HIP1: variants seen among roughly 807,000 people sequenced by gnomAD.
HIP1 encodes the protein huntingtin interacting protein 1, also known as huntingtin-interacting protein 1.
In HIP1, 65 loss-of-function variants were observed where a neutral mutation model predicts 147.6. The observed-to-expected ratio is 0.44, with a 90% CI of 0.36 to 0.54. HIP1 has a LOEUF of 0.54. HIP1 is among the 20% of genes least tolerant of loss of function. The pLI is 0.00. For synonymous variants in HIP1, 479 were observed against 504.0 expected, an observed-to-expected ratio of 0.95 and a Z score of 0.67; for missense variants, 1,061 against 1,299.6, an observed-to-expected ratio of 0.82 and a Z score of 2.82.
intron 3 of HIP1, 67 bp from the exon 4 acceptor site, chr7:75,592,179 GGA>G: frequency 6.7e-7 from 1 of 1,498,448 alleles, no homozygotes; most frequent in Non-Finnish European, 9.3e-7. Context: ...GAAGGAGGAT[GGA>G]GAGAGGCGGA....
chr7:75,614,153 G>A (rs1251098619), intron 1 of HIP1, among the ~76,000 whole-genome samples: 1 of 152,154 alleles, frequency 6.6e-6, no homozygotes, highest in Non-Finnish European at 1.5e-5. Flanking sequence ...GGCCTCAAGT[G>A]ATCCTCCTGC....
intron 1 of HIP1, among the ~76,000 whole-genome samples, chr7:75,710,166 G>A (rs1801128710): frequency 6.6e-6 from 1 of 152,138 alleles, no homozygotes; most frequent in African/African-American, 2.4e-5. Context: ...CCAAAGTGCT[G>A]GGATTACAGG....
chr7:75,639,093 C>T, intron 1 of HIP1: 2 of 984,728 alleles, frequency 2.0e-6, no homozygotes, highest in South Asian at 4.7e-5. Flanking sequence ...GGCACCCCCC[C>T]ACCCCTGGAG....
intron 1 of HIP1, among the ~76,000 whole-genome samples, chr7:75,688,588 C>T (rs1800344239): frequency 1.3e-5 from 2 of 152,114 alleles, no homozygotes; most frequent in African/African-American, 2.4e-5. Context: ...CCCACGCACA[C>T]CCTCCACCCG....
intron 1 of HIP1, among the ~76,000 whole-genome samples, chr7:75,670,062 A>G (rs1799687897): frequency 6.6e-6 from 1 of 152,100 alleles, no homozygotes; most frequent in East Asian, 1.9e-4. Flanking sequence ...CAGCCTCCCA[A>G]AGTGCTGGGA....
rs1554489095 is a variant in HIP1 at position 75,538,000 on chromosome 7, G to C, written c.*172C>G. The C allele has an allele frequency of 1.5e-6, 1 of 668,182 alleles. No homozygotes were observed. The highest frequency in any genetic ancestry group is 2.4e-5 in the Admixed American group (1 of 42,132). 41.4% of individuals were successfully genotyped at this position (668,182 alleles called of 1,614,324 possible). Reference sequence around the variant, plus strand: ...GATGACCATGGGTCCAAACAGAAAGGGTGTCGCTATGGAGGGAGTCTTTGG... The same window carrying C: ...GATGACCATGGGTCCAAACAGAAAGCGTGTCGCTATGGAGGGAGTCTTTGG... On this transcript the variant is annotated 3_prime_UTR_variant, in exon 31 of 31. Transcript: ENST00000336926.
At chr7:75,652,802 C>T (rs994576761) in intron 1 of HIP1, among the ~76,000 whole-genome samples, 7 of 152,146 alleles carry the variant, frequency 4.6e-5, no homozygotes, top group African/African-American at 1.4e-4. Context: ...TATTCACAAT[C>T]GAACTCCTAC....
Position 75,637,990 on chromosome 7 carries a change from CCCCACACACACACATACACACACA to C in HIP1, c.121-38767_121-38744del, listed in dbSNP as rs1239264897. On this transcript the variant is annotated intron_variant, in intron 1 of 30. Transcript: ENST00000336926. ...GGGCAGACCCAGACCCCCCCCCCCC[CCCCACACACACACATACACACACA>C]CACACACACACACACACACAGCCCA... Among the ~76,000 whole-genome samples the C allele has an allele frequency of 6.4e-3, 277 of 43,464 alleles. 4 individuals carry two copies. Among genetic ancestry groups the C allele is most frequent in the African/African-American group, 0.017 (204 of 12,020 alleles). The allele number at this position is 43,464 out of a possible 152,430, so 28.5% of individuals were successfully genotyped here.
intron 5 of HIP1, among the ~76,000 whole-genome samples, chr7:75,583,391 G>A (rs187785282): frequency 5.3e-5 from 8 of 152,244 alleles, no homozygotes; most frequent in Admixed American, 2.0e-4. Context: ...TGTCCTGAAC[G>A]TCCGTCTCAG....
At chr7:75,610,254 G>A (rs1458359502) in intron 1 of HIP1, among the ~76,000 whole-genome samples, 1 of 149,338 alleles carries the variant, frequency 6.7e-6, no homozygotes, top group African/African-American at 2.5e-5. Flanking sequence ...TGTCACCCAG[G>A]CTGGTGTGCA....
intron 9 of HIP1, among the ~76,000 whole-genome samples, chr7:75,566,685 T>A (rs944115553): frequency 2.0e-5 from 3 of 151,246 alleles, no homozygotes; most frequent in Admixed American, 2.0e-4. Context: ...CAGAGTCCAG[T>A]CTCCCATCCC....
chr7:75,737,236 A>AT (rs1328043798), intron 1 of HIP1, among the ~76,000 whole-genome samples: 1 of 150,226 alleles, frequency 6.7e-6, no homozygotes, highest in African/African-American at 2.5e-5. Flanking sequence ...TAATTTTTTT[A>AT]TTTTTTGTAG....
At chr7:75,695,819 C>T (rs569183590) in intron 1 of HIP1, among the ~76,000 whole-genome samples, 253 of 152,144 alleles carry the variant, frequency 1.7e-3, no homozygotes, top group Middle Eastern at 3.4e-3. Flanking sequence ...AAGGGATCCA[C>T]CTGCCTTGGC....
chr7:75,594,527 G>A (rs1277488899), intron 2 of HIP1, among the ~76,000 whole-genome samples: 1 of 152,132 alleles, frequency 6.6e-6, no homozygotes, highest in African/African-American at 2.4e-5. Context: ...TGTAATCACA[G>A]GACTCTGGGA....
At chr7:75,703,687 A>C (rs1322325635) in intron 1 of HIP1, among the ~76,000 whole-genome samples, 1 of 152,214 alleles carries the variant, frequency 6.6e-6, no homozygotes, top group East Asian at 1.9e-4. Context: ...AGTACCTCCA[A>C]GTACCAGAAG....
chr7:75,539,625 C>G (rs587739622), intron 29 of HIP1, among the ~76,000 whole-genome samples, 194 bp from the exon 30 acceptor site: 1 of 152,268 alleles, frequency 6.6e-6, no homozygotes, highest in East Asian at 1.9e-4. Context: ...CAGCCTACAT[C>G]TATCTTATTT....
At position 75,533,495 on chromosome 7, in the gene HIP1, G is replaced by T. The variant is rs1793977174; in HGVS notation, c.*4677C>A. 4.3e-6 allele frequency: 1 copy of T among 232,002 alleles called. No individual in the cohort carries two copies. Among genetic ancestry groups the T allele is most frequent in the South Asian group, 1.8e-4 (1 of 5,518 alleles). The allele number at this position is 232,002 out of a possible 1,614,324, so 14.4% of individuals were successfully genotyped here. Reference sequence around the variant, plus strand: ...ACCCTAATGGAAACCCAGGGGAAAGGTTAAAAACAGAAGAAAAACAAACCC... The same window carrying T: ...ACCCTAATGGAAACCCAGGGGAAAGTTTAAAAACAGAAGAAAAACAAACCC... On this transcript the variant is annotated 3_prime_UTR_variant, in exon 31 of 31. Transcript: ENST00000336926.
At chr7:75,580,527 T>C (rs1313663274) in intron 7 of HIP1, among the ~76,000 whole-genome samples, 1 of 151,990 alleles carries the variant, frequency 6.6e-6, no homozygotes. Context: ...ACCTTGAGGC[T>C]GGTAGTTCAA....
Position 75,554,201 on chromosome 7 carries a change from A to G in HIP1, c.2070T>C (p.His690=). The G allele has an allele frequency of 2.5e-6, 4 of 1,613,944 alleles. No homozygotes were observed. The highest frequency in any genetic ancestry group is 3.4e-6 in the Non-Finnish European group (4 of 1,179,902). The part of the protein sequence containing the change: ...ACPEDISGLL[H]SITLLAHLTS... ...TCAAGTGGGCCAGCAGGGTTATGGAATGGAGAAGTCCACTGATGTCTGCCA... is the reference window on the plus strand; with the variant it reads ...TCAAGTGGGCCAGCAGGGTTATGGAGTGGAGAAGTCCACTGATGTCTGCCA... The change falls in exon 21 of 31, where the codon CAT becomes CAC. Residue 690 remains histidine, a synonymous_variant. Coordinates refer to ENST00000336926, the MANE Select transcript of HIP1 (RefSeq NM_005338.7).
Sources: gnomAD v4.1 joint callset for allele counts (sites outside exome capture counted in the v4.1 genomes callset) on GRCh38, gnomAD v4.1.1 for gene constraint, MANE v1.5 for transcripts, NCBI Gene and HGNC (gene_info 2026-07-23, HGNC 2026-07-21) for gene names.